EIF3L: variants seen among roughly 807,000 people sequenced by gnomAD.
EIF3L encodes the protein eIEF associated protein HSPC021.
In EIF3L, 32 loss-of-function variants were observed where a neutral mutation model predicts 74.6. The observed-to-expected ratio is 0.43, with a 90% CI of 0.32 to 0.58. The LOEUF (loss-of-function observed/expected upper bound fraction) is 0.58. Among genes scored for constraint, EIF3L ranks in the 20% least tolerant of loss-of-function variants. The pLI is 0.06. For synonymous variants in EIF3L, 256 were observed against 254.4 expected (o/e 1.01, Z -0.06); for missense variants, 474 against 707.8 (o/e 0.67, Z 3.75).
rs1925035268 is a variant in EIF3L, at chr22:37,849,472, A to G, written c.23A>G (p.Tyr8Cys). Residue 8 changes from tyrosine (Y) to cysteine (C), a missense_variant, in exon 1 of 13, where the codon TAT becomes TGT. Around this residue, in one of 4 missense-constraint regions of EIF3L, gnomAD observed 39 missense variants for 24.2 expected, o/e 1.61. Transcript: ENST00000652021. MSYPADD[Y>C]ESEAAYDPYA... ...GCCATGTCTTATCCCGCTGATGATT[A>G]TGAGTCTGAGGTAAGGTGGCCGTAA... The G allele has an allele frequency of 1.2e-6, 2 of 1,610,546 alleles. No homozygotes were observed. The highest frequency in any genetic ancestry group is 1.7e-6 in the Non-Finnish European group (2 of 1,177,850).
chr22:37,866,985 C>T (rs1314048718), intron 7 of EIF3L, among the ~76,000 whole-genome samples: 1 of 152,160 alleles, frequency 6.6e-6, no homozygotes, highest in African/African-American at 2.4e-5. Flanking sequence ...CACCAATGGG[C>T]TGTATCAAAT....
rs780611041 is a variant in EIF3L, at chr22:37,851,482, T to C, written c.285T>C (p.Tyr95=). The change falls in exon 3 of 13, where the codon TAT becomes TAC. Residue 95 remains tyrosine (Y), a synonymous_variant. Coordinates refer to ENST00000652021, the MANE Select transcript of EIF3L (RefSeq NM_016091.4). ...AGGTGTATGAGATCCAGGACATCTATGAGAACAGGTATGGGCTACTGGCTG... is the reference window on the plus strand; with the variant it reads ...AGGTGTATGAGATCCAGGACATCTACGAGAACAGGTATGGGCTACTGGCTG... The part of the protein sequence containing the change: ...DQKVYEIQDI[Y]ENSWTKLTER... 4 of 1,611,320 alleles carry C rather than the reference T, an allele frequency of 2.5e-6. No individual in the cohort carries two copies. The highest frequency in any genetic ancestry group is 3.4e-6 in the Non-Finnish European group (4 of 1,179,438).
At chr22:37,878,954 T>A (rs538174320) in intron 11 of EIF3L, 1 of 150,230 alleles carries the variant, frequency 6.7e-6, no homozygotes, top group Non-Finnish European at 1.5e-5. Flanking sequence ...TGGTTTTTTT[T>A]TTTTTTTTTT....
intron 2 of EIF3L, 65 bp from the exon 3 acceptor site, chr22:37,851,215 G>C (rs1453469773): frequency 1.4e-6 from 2 of 1,427,106 alleles, no homozygotes; most frequent in African/African-American, 2.8e-5. Context: ...GGGTGGTCTT[G>C]CCATTTCGTT....
chr22:37,864,436 G>T (rs1926033709), intron 7 of EIF3L, among the ~76,000 whole-genome samples: 1 of 152,094 alleles, frequency 6.6e-6, no homozygotes, highest in Non-Finnish European at 1.5e-5. Flanking sequence ...TACCTCAGGA[G>T]TTGCTGTTCA....
intron 4 of EIF3L, among the ~76,000 whole-genome samples, chr22:37,857,752 T>C (rs1925612226): frequency 6.6e-6 from 1 of 152,072 alleles, no homozygotes. Flanking sequence ...CAGGCTGATT[T>C]TGAACTCCTG....
chr22:37,886,885 C>A, intron 12 of EIF3L, 40 bp downstream of exon 12: 1 of 1,518,384 alleles, frequency 6.6e-7, no homozygotes, highest in Non-Finnish European at 9.1e-7. Context: ...TGGCTCAGGA[C>A]AGAGCTTAGG....
Position 37,886,773 on chromosome 22 carries a change from C to T in EIF3L, c.1584C>T (p.Ile528=). 1 of 1,609,500 alleles carries T rather than the reference C, an allele frequency of 6.2e-7. No homozygotes were observed. The highest frequency in any genetic ancestry group is 8.5e-7 in the Non-Finnish European group (1 of 1,176,976). The change falls in exon 12 of 13, where the codon ATC becomes ATT. Residue 528 remains isoleucine, a synonymous_variant. Transcript: ENST00000652021. ...EVDFYIDKDM[I]HIADTKVARR... ...TGTGCTTTCCCCCACAGGACATGAT[C>T]CACATCGCGGACACCAAGGTCGCCA... is the stretch of plus-strand genomic sequence containing the variant.
At chr22:37,867,386 C>T (rs1440728116) in intron 7 of EIF3L, among the ~76,000 whole-genome samples, 2 of 152,030 alleles carry the variant, frequency 1.3e-5, no homozygotes, top group African/African-American at 2.4e-5. Context: ...TGGCCGGGCG[C>T]AGTGGCTCAC....
chr22:37,853,124 G>A (rs965560391), intron 3 of EIF3L, among the ~76,000 whole-genome samples: 25 of 152,238 alleles, frequency 1.6e-4, no homozygotes, highest in African/African-American at 5.5e-4. Flanking sequence ...TGATGAGTCC[G>A]TATCTGTACA....
At chr22:37,869,316 C>T (rs1926350762) in intron 7 of EIF3L, among the ~76,000 whole-genome samples, 1 of 151,900 alleles carries the variant, frequency 6.6e-6, no homozygotes, top group Admixed American at 6.6e-5. Context: ...TTTTTTATAG[C>T]GATAGGGTTT....
intron 11 of EIF3L, 44 bp downstream of exon 11, chr22:37,878,215 G>A (rs746244999): frequency 6.5e-7 from 1 of 1,537,230 alleles, no homozygotes; most frequent in African/African-American, 1.4e-5. Flanking sequence ...TAAGTGTTCA[G>A]TATCTTTCAT....
Position 37,886,760 on chromosome 22 carries a change from C to A in EIF3L, c.1576-5C>A. 6.2e-7 allele frequency: 1 copy of A among 1,606,954 alleles called. No individual in the cohort carries two copies. Among genetic ancestry groups the A allele is most frequent in the Non-Finnish European group, 8.5e-7 (1 of 1,175,400 alleles). ...GCTCTTCCCTGACTGTGCTTTCCCCCACAGGACATGATCCACATCGCGGAC... is the reference window on the plus strand; with the variant it reads ...GCTCTTCCCTGACTGTGCTTTCCCCAACAGGACATGATCCACATCGCGGAC... On this transcript the variant is annotated splice_region_variant and splice_polypyrimidine_tract_variant and intron_variant, in intron 11 of 12. Coordinates refer to ENST00000652021, the MANE Select transcript of EIF3L (RefSeq NM_016091.4).
chr22:37,884,245 A>G (rs1364904073), intron 11 of EIF3L: 1 of 152,200 alleles, frequency 6.6e-6, no homozygotes, highest in Non-Finnish European at 1.5e-5. Context: ...CATTCCTTTT[A>G]TAGCTGAATA....
In EIF3L at chr22:37,858,833, G is replaced by C; in HGVS notation, c.435+93G>C. ...TAGAACACAGTCATTTGTTTATATTGGTTCAGTGTCTGGGCATGATTGGCA... is the reference window on the plus strand; with the variant it reads ...TAGAACACAGTCATTTGTTTATATTCGTTCAGTGTCTGGGCATGATTGGCA... On this transcript the variant is annotated intron_variant, in intron 5 of 12. Transcript: ENST00000652021. The C allele has an allele frequency of 6.1e-6, 7 of 1,143,176 alleles. 1 individual carries two copies. The highest frequency in any genetic ancestry group is 8.8e-6 in the Non-Finnish European group (7 of 795,104). 70.8% of individuals were successfully genotyped at this position (1,143,176 alleles called of 1,614,324 possible).
At chr22:37,866,992 A>G (rs16998581) in intron 7 of EIF3L, among the ~76,000 whole-genome samples, 1,540 of 152,308 alleles carry the variant, frequency 0.01, 32 homozygotes, top group African/African-American at 0.036. Flanking sequence ...GGGCTGTATC[A>G]AATTGTGTTA....
At chr22:37,851,194 T>C in intron 2 of EIF3L, 86 bp from the exon 3 acceptor site, 1 of 1,108,444 alleles carries the variant, frequency 9.0e-7, no homozygotes, top group Non-Finnish European at 1.3e-6. Context: ...CAGACCTGAG[T>C]TTAGTTTCTG....
At chr22:37,853,472 C>T (rs1048637332) in intron 3 of EIF3L, among the ~76,000 whole-genome samples, 3 of 152,128 alleles carry the variant, frequency 2.0e-5, no homozygotes, top group Admixed American at 6.6e-5. Context: ...TATAAATCAG[C>T]GCCTACAAAA....
chr22:37,865,758 G>T (rs1926117177), intron 7 of EIF3L, among the ~76,000 whole-genome samples: 1 of 152,204 alleles, frequency 6.6e-6, no homozygotes, highest in Admixed American at 6.5e-5. Flanking sequence ...TTGCCCTCTG[G>T]CTCCTTGGCT....
Sources: allele counts gnomAD v4.1 joint callset (sites outside exome capture counted in the v4.1 genomes callset), GRCh38; gene constraint gnomAD v4.1.1; regional missense constraint gnomAD v4.1.1; transcripts MANE v1.5; gene names NCBI Gene and HGNC (gene_info 2026-07-23, HGNC 2026-07-21).